KCTD3: variants seen among roughly 807,000 people sequenced by gnomAD.
KCTD3 encodes potassium channel tetramerization domain containing 3.
A neutral mutation model predicts 85.8 loss-of-function variants in KCTD3; 41 were observed. The observed-to-expected ratio is 0.48, with a 90% CI of 0.37 to 0.62. KCTD3 has a LOEUF of 0.62. KCTD3 is among the 20% of genes least tolerant of loss of function. The probability of loss-of-function intolerance (pLI) is 0.00; values close to 1 mark genes in which losing one functional copy is unlikely to be tolerated. For synonymous variants in KCTD3, 338 were observed against 345.4 expected (o/e 0.98, Z 0.24); for missense variants, 724 against 989.9 (o/e 0.73, Z 3.60).
intron 3 of KCTD3, among the ~76,000 whole-genome samples, chr1:215,574,990 G>A (rs1028926106): frequency 2.0e-5 from 3 of 152,122 alleles, no homozygotes; most frequent in African/African-American, 4.8e-5. Context: ...GGTGGCTTAT[G>A]CCTGTAATTC....
At chr1:215,567,840 G>A in intron 1 of KCTD3, 72 bp downstream of exon 1, 1 of 1,038,820 alleles carries the variant, frequency 9.6e-7, no homozygotes, top group Non-Finnish European at 1.2e-6. Context: ...GACGGGGACC[G>A]AGAGTCGCAG....
At chr1:215,577,489 T>TG (rs1659631411) in intron 4 of KCTD3, among the ~76,000 whole-genome samples, 181 bp from the exon 5 acceptor site, 1 of 152,184 alleles carries the variant, frequency 6.6e-6, no homozygotes, top group Admixed American at 6.5e-5. Context: ...TTTGTTCACA[T>TG]GCAGTTTTTA....
chr1:215,577,836 T>C, intron 5 of KCTD3, 108 bp downstream of exon 5: 18 of 1,287,662 alleles, frequency 1.4e-5, no homozygotes, highest in Non-Finnish European at 2.0e-5. Context: ...ACTTGTTCAG[T>C]GCTTAGTTTT....
At chr1:215,577,603 C>T (rs1244035115) in intron 4 of KCTD3, 67 bp from the exon 5 acceptor site, 6 of 970,640 alleles carry the variant, frequency 6.2e-6, no homozygotes, top group Admixed American at 1.8e-5. Context: ...AGAATTTTTT[C>T]CTTTCATGTC....
intron 12 of KCTD3, 118 bp from the exon 13 acceptor site, chr1:215,604,014 G>A (rs1050838113): frequency 1.5e-4 from 98 of 662,002 alleles, no homozygotes; most frequent in Admixed American, 2.9e-4. Context: ...ACTGGATTTG[G>A]GGCTGATATA....
In KCTD3 at chr1:215,600,548, T is replaced by C. The variant is rs557656397; in HGVS notation, c.934-1319T>C. On this transcript the variant is annotated intron_variant, in intron 10 of 17. Coordinates refer to ENST00000259154, the MANE Select transcript of KCTD3 (RefSeq NM_016121.5). ...TAGTGCCTGTCACACTATAATTGTC[T>C]GTTATTTTTCTTTCTCACAAGTTAC... is the stretch of plus-strand genomic sequence containing the variant. 3.9e-5 allele frequency among the ~76,000 whole-genome samples: 6 copies of C among 152,332 alleles called. No individual in the cohort carries two copies. The East Asian group carries it at 1.2e-3, about 29-fold the overall frequency.
chr1:215,569,077 G>A (rs1659263580), intron 1 of KCTD3, among the ~76,000 whole-genome samples: 1 of 151,620 alleles, frequency 6.6e-6, no homozygotes, highest in Non-Finnish European at 1.5e-5. Flanking sequence ...TCCCTACACT[G>A]GTTTCTACTT....
intron 15 of KCTD3, among the ~76,000 whole-genome samples, chr1:215,613,112 C>T (rs138685178): frequency 6.6e-5 from 10 of 152,182 alleles, no homozygotes; most frequent in African/African-American, 1.7e-4. Flanking sequence ...CTGCACATCC[C>T]GCACATGTAC....
chr1:215,613,390 T>C (rs992300815), intron 15 of KCTD3, among the ~76,000 whole-genome samples: 2 of 152,206 alleles, frequency 1.3e-5, no homozygotes, highest in African/African-American at 4.8e-5. Flanking sequence ...TTATAGATGC[T>C]GGATATTAGA....
Position 215,620,855 on chromosome 1 carries a change from CCATTTTAA to C in KCTD3, c.*240_*247del. 2.2e-6 allele frequency: 1 copy of C among 455,572 alleles called. No homozygotes were observed. Among genetic ancestry groups the C allele is most frequent in the Non-Finnish European group, 3.8e-6 (1 of 260,846 alleles). The allele number at this position is 455,572 out of a possible 1,614,324, so 28.2% of individuals were successfully genotyped here. ...AACAGATCATTTATAAAGCAGGAGT[CCATTTTAA>C]CACTTACCGACTTTTTTTGGTTTGG... On this transcript the variant is annotated 3_prime_UTR_variant, in exon 18 of 18. Transcript: ENST00000259154.
intron 6 of KCTD3, 149 bp from the exon 7 acceptor site, chr1:215,578,851 A>T: frequency 2.0e-6 from 1 of 491,268 alleles, no homozygotes; most frequent in Non-Finnish European, 3.5e-6. Context: ...TTTTAATTGT[A>T]ATTAAATTAT....
intron 8 of KCTD3, 97 bp from the exon 9 acceptor site, chr1:215,586,398 T>G: frequency 3.8e-6 from 4 of 1,043,916 alleles, no homozygotes; most frequent in Non-Finnish European, 5.6e-6. Context: ...TTTTTTTTTG[T>G]TTTTTGTTGT....
intron 13 of KCTD3, among the ~76,000 whole-genome samples, chr1:215,605,790 C>T (rs1008213146): frequency 4.6e-5 from 7 of 152,118 alleles, no homozygotes; most frequent in Non-Finnish European, 7.4e-5. Flanking sequence ...TACAATTCAT[C>T]AGTAAGTCCT....
At chr1:215,592,734 A>G (rs1244940087) in intron 9 of KCTD3, among the ~76,000 whole-genome samples, 1 of 152,230 alleles carries the variant, frequency 6.6e-6, no homozygotes, top group Non-Finnish European at 1.5e-5. Flanking sequence ...ACACTATCCA[A>G]AGAAAATTGT....
In KCTD3 at chr1:215,586,421, T is replaced by C. The variant is rs1207526535; in HGVS notation, c.627-74T>C. 5 of 1,184,706 alleles carry C rather than the reference T, an allele frequency of 4.2e-6. No individual in the cohort carries two copies. The South Asian group carries it at 6.9e-5, about 16-fold the overall frequency. 73.4% of individuals were successfully genotyped at this position (1,184,706 alleles called of 1,614,324 possible). A position where few individuals can be genotyped will look rare whatever the true frequency, so the allele number is the denominator to read the frequency against. On this transcript the variant is annotated intron_variant, in intron 8 of 17. Transcript: ENST00000259154. ...TGTTTTTTGTTGTTGTTTTTTGTTT[T>C]TGGTGCATTGATGTGTATTCCGTTT... is the stretch of plus-strand genomic sequence containing the variant.
At chr1:215,614,430 A>G (rs970048332) in intron 15 of KCTD3, among the ~76,000 whole-genome samples, 12 of 152,176 alleles carry the variant, frequency 7.9e-5, no homozygotes, top group Admixed American at 1.3e-4. Flanking sequence ...TTTTAACAAT[A>G]TTAATTCTTT....
In KCTD3 at chr1:215,620,545, C is replaced by T. The variant is rs1342099327; in HGVS notation, c.2375C>T (p.Pro792Leu). The T allele has an allele frequency of 6.2e-7, 1 of 1,613,744 alleles. No individual in the cohort carries two copies. The highest frequency in any genetic ancestry group is 8.5e-7 in the Non-Finnish European group (1 of 1,179,802). Reference sequence around the variant, plus strand: ...ACTGACTCACCTGGTACTGCGTCCCCATCTCCTACAAAGACTACTCCATCT... The same window carrying T: ...ACTGACTCACCTGGTACTGCGTCCCTATCTCCTACAAAGACTACTCCATCT... The part of the protein sequence containing the change: ...GGTDSPGTAS[P>L]SPTKTTPSPR... Residue 792 changes from proline (P) to leucine (L), a missense_variant, in exon 18 of 18, where the codon CCA becomes CTA. Pro to Leu is a moderately conservative substitution (Grantham distance 98, BLOSUM62 -3). Coordinates refer to ENST00000259154, the MANE Select transcript of KCTD3 (RefSeq NM_016121.5).
Position 215,620,506 on chromosome 1 carries a change from C to T in KCTD3, c.2336C>T (p.Thr779Ile), listed in dbSNP as rs755322754. 1 of 1,613,568 alleles carries T rather than the reference C, an allele frequency of 6.2e-7. No homozygotes were observed. Among genetic ancestry groups the T allele is most frequent in the South Asian group, 1.1e-5 (1 of 91,064 alleles). The change falls in exon 18 of 18, where the codon ACT (threonine) becomes ATT (isoleucine). Residue 779 changes from threonine (T) to isoleucine (I), a missense_variant. Coordinates refer to ENST00000259154, the MANE Select transcript of KCTD3 (RefSeq NM_016121.5). ...KVPYLASSPS[T>I]SDGGTDSPGT... is the part of the protein sequence containing the mutation. ...CCCTATCTGGCGTCATCACCAAGTA[C>T]TTCCGATGGAGGAACTGACTCACCT...
intron 15 of KCTD3, among the ~76,000 whole-genome samples, chr1:215,617,504 A>G (rs1303444220): frequency 6.6e-6 from 1 of 152,048 alleles, no homozygotes; most frequent in Non-Finnish European, 1.5e-5. Flanking sequence ...CCTCCACCCC[A>G]TTTGGTCACA....
Sources: gnomAD v4.1 joint callset for allele counts (sites outside exome capture counted in the v4.1 genomes callset) on GRCh38, gnomAD v4.1.1 for gene constraint, MANE v1.5 for transcripts, NCBI Gene and HGNC (gene_info 2026-07-23, HGNC 2026-07-21) for gene names.